The following ANO4 variants were observed in gnomAD, a reference collection of about 807,000 sequenced individuals.
The protein encoded by ANO4 is anoctamin-4.
Under a neutral mutation model 141.9 loss-of-function variants are expected in ANO4, and 69 were observed. The ratio of observed to expected loss-of-function variants is 0.49; its 90% CI spans 0.40 to 0.59. ANO4 has a LOEUF of 0.59. Among genes scored for constraint, ANO4 ranks in the 20% least tolerant of loss-of-function variants. ANO4 has a pLI of 0.00. For synonymous variants in ANO4, 350 were observed against 394.3 expected (o/e 0.89, Z 1.33); for missense variants, 894 against 1,162.2 (o/e 0.77, Z 3.36).
chr12:101,005,756 G>A (rs565988727), intron 8 of ANO4, among the ~76,000 whole-genome samples: 4 of 152,150 alleles, frequency 2.6e-5, no homozygotes, highest in Admixed American at 6.5e-5. Context: ...TTTAGTATAT[G>A]TGAATTCTAT....
chr12:101,015,018 G>T (rs192141787), intron 8 of ANO4, among the ~76,000 whole-genome samples: 24 of 122,534 alleles, frequency 2.0e-4, no homozygotes, highest in Admixed American at 1.8e-3. Flanking sequence ...GTAGAGATGG[G>T]GTCTCACTAT....
chr12:101,100,056 A>G (rs1213360059), intron 22 of ANO4, among the ~76,000 whole-genome samples: 1 of 152,160 alleles, frequency 6.6e-6, no homozygotes, highest in Non-Finnish European at 1.5e-5. Flanking sequence ...CCTCATCTCT[A>G]AAGTGGGAAT....
intron 2 of ANO4, among the ~76,000 whole-genome samples, chr12:100,902,490 T>A (rs10860656): frequency 0.32 from 48,853 of 152,076 alleles, 8,014 homozygotes; most frequent in East Asian, 0.53. Flanking sequence ...CAAGGAAATA[T>A]CAGTGACCAA....
At chr12:100,746,487 G>T (rs751012486) in intron 3 of ANO4, among the ~76,000 whole-genome samples, 1 of 151,090 alleles carries the variant, frequency 6.6e-6, no homozygotes, top group African/African-American at 2.4e-5. Context: ...AAGAAACGAT[G>T]AAATAATAAG....
chr12:100,819,980 G>C (rs2035946797), intron 1 of ANO4, among the ~76,000 whole-genome samples: 1 of 151,810 alleles, frequency 6.6e-6, no homozygotes, highest in East Asian at 1.9e-4. Context: ...TTGATCCCTG[G>C]TATCTGGCAT....
intron 8 of ANO4, among the ~76,000 whole-genome samples, chr12:101,001,504 A>T (rs759092217): frequency 1.6e-4 from 24 of 152,210 alleles, no homozygotes; most frequent in Non-Finnish European, 3.2e-4. Flanking sequence ...AGAAACATTA[A>T]ATACTTTAAG....
chr12:100,900,763 T>C (rs778595138), intron 1 of ANO4, among the ~76,000 whole-genome samples: 3 of 152,188 alleles, frequency 2.0e-5, no homozygotes, highest in Non-Finnish European at 4.4e-5. Context: ...TATCGGTGTT[T>C]CTTAGCAAGA....
intron 13 of ANO4, among the ~76,000 whole-genome samples, chr12:101,044,502 G>A (rs1223549558): frequency 6.6e-6 from 1 of 152,198 alleles, no homozygotes; most frequent in Non-Finnish European, 1.5e-5. Flanking sequence ...TTTTCCAAGA[G>A]CTACTGCCTT....
At chr12:100,817,016 G>A (rs1300484858) in intron 1 of ANO4, among the ~76,000 whole-genome samples, 2 of 151,710 alleles carry the variant, frequency 1.3e-5, no homozygotes, top group East Asian at 1.9e-4. Context: ...ATCTTGTGGG[G>A]AATGACTTAG....
intron 1 of ANO4, among the ~76,000 whole-genome samples, chr12:100,817,469 G>C (rs995688769): frequency 2.0e-5 from 3 of 151,736 alleles, no homozygotes; most frequent in Non-Finnish European, 4.4e-5. Flanking sequence ...CTATATGCAG[G>C]TTTACTAAAC....
At chr12:100,949,114 A>G (rs928030606) in intron 5 of ANO4, among the ~76,000 whole-genome samples, 1 of 152,174 alleles carries the variant, frequency 6.6e-6, no homozygotes, top group South Asian at 2.1e-4. Context: ...ATAACTGAGA[A>G]TCCTGGAAGC....
intron 5 of ANO4, among the ~76,000 whole-genome samples, chr12:100,958,532 A>C (rs2043271234): frequency 6.6e-6 from 1 of 152,180 alleles, no homozygotes; most frequent in Non-Finnish European, 1.5e-5. Context: ...TAAATAAGTA[A>C]ATAATACAGT....
intron 22 of ANO4, among the ~76,000 whole-genome samples, chr12:101,101,214 A>G (rs904234530): frequency 6.6e-6 from 1 of 152,054 alleles, no homozygotes; most frequent in African/African-American, 2.4e-5. Flanking sequence ...CTCTCTAACC[A>G]CTTTCCTGAC....
intron 3 of ANO4, among the ~76,000 whole-genome samples, chr12:100,782,155 A>G (rs929800900): frequency 3.3e-5 from 5 of 151,952 alleles, no homozygotes; most frequent in Non-Finnish European, 1.5e-5. Context: ...TACTTCCTAC[A>G]TCTCTGATCT....
At chr12:100,723,197 C>A (rs2030945188) in intron 1 of ANO4, among the ~76,000 whole-genome samples, 1 of 152,104 alleles carries the variant, frequency 6.6e-6, no homozygotes, top group African/African-American at 2.4e-5. Flanking sequence ...CATTTTAATT[C>A]TTTCCTTTAA....
chr12:101,067,031 A>C, intron 14 of ANO4: 1 of 532,800 alleles, frequency 1.9e-6, no homozygotes, highest in Non-Finnish European at 3.3e-6. Context: ...AGAACAGACC[A>C]TGCTGGGCTT....
rs1326383937 is a variant in ANO4, at chr12:101,033,879, T to G, written c.842-3216T>G. Among the ~76,000 whole-genome samples the G allele has an allele frequency of 2.0e-5, 3 of 152,050 alleles. No homozygotes were observed. The East Asian group carries it at 5.8e-4, about 29-fold the overall frequency. On this transcript the variant is annotated intron_variant, in intron 9 of 27. Coordinates refer to ENST00000392977, the MANE Select transcript of ANO4 (RefSeq NM_001286615.2). ...AAGACATACATGCAGCCAACAAACA[T>G]ATGAAGAAAGCTCAACATCACTGAT...
At chr12:100,786,529 A>C (rs1296478178) in intron 3 of ANO4, among the ~76,000 whole-genome samples, 2 of 152,146 alleles carry the variant, frequency 1.3e-5, no homozygotes, top group Non-Finnish European at 2.9e-5. Context: ...TCTACACTGA[A>C]ATTTTGTGCT....
At position 100,942,408 on chromosome 12, in the gene ANO4, T is replaced by C; in HGVS notation, c.329T>C (p.Leu110Pro). 1 of 1,614,074 alleles carries C rather than the reference T, an allele frequency of 6.2e-7. No homozygotes were observed. The highest frequency in any genetic ancestry group is 8.5e-7 in the Non-Finnish European group (1 of 1,179,984). ...CCAGAAAGAAACAAATCAAATGGAC[T>C]TTACTTTCGAGATGGAAAGTGTCGA... ...TVPERNKSNG[L>P]YFRDGKCRID... The change falls in exon 5 of 28, where the codon CTT becomes CCT. Residue 110 changes from leucine to proline, a missense_variant. Leu to Pro is a moderately conservative substitution (Grantham distance 98). Coordinates refer to ENST00000392977, the MANE Select transcript of ANO4 (RefSeq NM_001286615.2).
Sources: allele counts gnomAD v4.1 joint callset (sites outside exome capture counted in the v4.1 genomes callset), GRCh38; gene constraint gnomAD v4.1.1; transcripts MANE v1.5; gene names NCBI Gene and HGNC (gene_info 2026-07-23, HGNC 2026-07-21).